Variants in DLD observed in about 807,000 individuals in gnomAD.
The protein encoded by DLD is dihydrolipoyl dehydrogenase, mitochondrial.
Under a neutral mutation model 62.2 loss-of-function variants are expected in DLD, and 36 were observed. That is an observed-to-expected ratio of 0.58 (90% CI 0.44 to 0.76). The LOEUF (loss-of-function observed/expected upper bound fraction) is 0.76, where lower values mean the gene tolerates loss of function less well. Among genes scored for constraint, DLD ranks in the 30% least tolerant of loss-of-function variants. The pLI is 0.00. For synonymous variants in DLD, 204 were observed against 199.6 expected (o/e 1.02, Z -0.19); for missense variants, 541 against 608.6 (o/e 0.89, Z 1.17).
At position 107,910,738 on chromosome 7, in the gene DLD, C is replaced by G. The variant is rs192026139; in HGVS notation, c.684+4370C>G. On this transcript the variant is annotated intron_variant, in intron 8 of 13. Transcript: ENST00000205402. ...GCTGGGATTTAATACATTTAAAACACTTAATGCAGTGCCTGGCATTTAGTA... is the reference window on the plus strand; with the variant it reads ...GCTGGGATTTAATACATTTAAAACAGTTAATGCAGTGCCTGGCATTTAGTA... Among the ~76,000 whole-genome samples the G allele has an allele frequency of 2.0e-5, 3 of 152,282 alleles. No individual in the cohort carries two copies. In the East Asian group the frequency reaches 5.8e-4, roughly 29 times the overall value.
chr7:107,893,766 A>T (rs189875634), intron 2 of DLD, among the ~76,000 whole-genome samples: 1 of 152,178 alleles, frequency 6.6e-6, no homozygotes, highest in African/African-American at 2.4e-5. Context: ...GCAGAAACCC[A>T]TGCAATGTAA....
At chr7:107,916,178 C>T (rs10271385) in intron 9 of DLD, among the ~76,000 whole-genome samples, 30,233 of 151,990 alleles carry the variant, frequency 0.2, 3,321 homozygotes, top group East Asian at 0.51. Context: ...TAATTAATGA[C>T]TAACTTGTCA....
intron 9 of DLD, 38 bp from the exon 10 acceptor site, chr7:107,916,756 G>T: frequency 6.4e-7 from 1 of 1,571,388 alleles, no homozygotes; most frequent in Non-Finnish European, 8.8e-7. Flanking sequence ...AATTTATGTA[G>T]GTGTGTATTT....
upstream of DLD, chr7:107,891,115 G>C (rs1426693653): frequency 9.0e-6 from 10 of 1,110,538 alleles, no homozygotes; most frequent in Non-Finnish European, 1.3e-5. Flanking sequence ...GTAGAACCGC[G>C]CGGGCCAATC....
intron 4 of DLD, 107 bp downstream of exon 4, chr7:107,902,500 A>C (rs1480975800): frequency 1.2e-5 from 12 of 970,078 alleles, no homozygotes; most frequent in Non-Finnish European, 1.8e-5. Flanking sequence ...AAACAATCCA[A>C]GTTGTGGCAC....
At chr7:107,916,464 A>G (rs1584472598) in intron 9 of DLD, among the ~76,000 whole-genome samples, 1 of 152,112 alleles carries the variant, frequency 6.6e-6, no homozygotes, top group South Asian at 2.1e-4. Flanking sequence ...CATGAAGTCA[A>G]GAGATCAAGA....
chr7:107,916,388 G>T (rs2032269024), intron 9 of DLD, among the ~76,000 whole-genome samples: 1 of 152,092 alleles, frequency 6.6e-6, no homozygotes, highest in Non-Finnish European at 1.5e-5. Context: ...AATGTCATCA[G>T]TGCCGGCTGG....
intron 2 of DLD, among the ~76,000 whole-genome samples, chr7:107,899,292 G>A (rs1211163813): frequency 6.7e-6 from 1 of 149,536 alleles, no homozygotes; most frequent in Non-Finnish European, 1.5e-5. Context: ...CACTTTAGTG[G>A]TATTGTAATG....
At chr7:107,897,096 A>G (rs1009121163) in intron 2 of DLD, among the ~76,000 whole-genome samples, 1 of 152,122 alleles carries the variant, frequency 6.6e-6, no homozygotes, top group Admixed American at 6.5e-5. Context: ...CGGCCTCCCA[A>G]AGTGTTGGAA....
In DLD at chr7:107,919,169, T is replaced by C. The variant is rs747366337; in HGVS notation, c.1465-25T>C. The C allele has an allele frequency of 3.5e-5, 57 of 1,612,956 alleles. No homozygotes were observed. In the Admixed American group the frequency reaches 9.5e-4, roughly 27 times the overall value. On this transcript the variant is annotated intron_variant, in intron 13 of 13. Transcript: ENST00000205402. ...TTCTGACCCACAAATATTTGGATTT[T>C]AATTTTAAATTTCTTCCCTTGCAGA...
chr7:107,905,715 A>G, intron 7 of DLD: 2 of 574,154 alleles, frequency 3.5e-6, no homozygotes, highest in South Asian at 2.1e-5. Context: ...TGAATACAGT[A>G]TGAAGTTAAA....
At chr7:107,891,384 G>T in intron 1 of DLD, 95 bp downstream of exon 1, 1 of 1,321,466 alleles carries the variant, frequency 7.6e-7, no homozygotes, top group East Asian at 2.6e-5. Flanking sequence ...TGGGCTGGCG[G>T]AGGCGGGCGC....
At chr7:107,918,094 A>C (rs188225135) in intron 12 of DLD, 33 bp downstream of exon 12, 1 of 1,611,910 alleles carries the variant, frequency 6.2e-7, no homozygotes, top group African/African-American at 1.3e-5. Context: ...AATCCCATTA[A>C]GATTTCTAGA....
chr7:107,901,914 CT>C, intron 3 of DLD, 97 bp downstream of exon 3: 1 of 924,224 alleles, frequency 1.1e-6, no homozygotes, highest in Non-Finnish European at 1.8e-6. Context: ...ATGGTAAATA[CT>C]TCCTTAACTC....
At position 107,920,316 on chromosome 7, in the gene DLD, G is replaced by C. The variant is rs2032379852; in HGVS notation, c.*1057G>C. The C allele has an allele frequency of 6.6e-6, 1 of 152,276 alleles. No individual in the cohort carries two copies. Among genetic ancestry groups the C allele is most frequent in the Non-Finnish European group, 1.5e-5 (1 of 68,028 alleles). 9.4% of individuals were successfully genotyped at this position (152,276 alleles called of 1,614,324 possible). A position where few individuals can be genotyped will look rare whatever the true frequency, so the allele number is the denominator to read the frequency against. On this transcript the variant is annotated 3_prime_UTR_variant, in exon 14 of 14. Coordinates refer to ENST00000205402, the MANE Select transcript of DLD (RefSeq NM_000108.5). ...TAACAAAGTACTAAATGCTAAGTAG[G>C]CTTTTGCATATTGTAACTAAATTTA...
intron 8 of DLD, among the ~76,000 whole-genome samples, chr7:107,909,339 A>G (rs1194792113): frequency 2.0e-5 from 3 of 152,228 alleles, no homozygotes; most frequent in Non-Finnish European, 4.4e-5. Flanking sequence ...TAAGGCATGC[A>G]GTCCCATCAT....
In DLD at chr7:107,915,563, G is replaced by A. The variant is rs199835963; in HGVS notation, c.742G>A (p.Val248Ile). The change falls in exon 9 of 14, where the codon GTA (valine) becomes ATA (isoleucine). Residue 248 changes from valine to isoleucine, a missense_variant. By Grantham distance (29) the Val-to-Ile change is conservative (BLOSUM62 3). Transcript: ENST00000205402. ...GACAGCAGTTGAATTTTTAGGTCATGTAGGTGGAGTTGGAATTGATATGGA... is the reference window on the plus strand; with the variant it reads ...GACAGCAGTTGAATTTTTAGGTCATATAGGTGGAGTTGGAATTGATATGGA... ...DVTAVEFLGHVGGVGIDMEIS... is the reference protein window; with the variant it reads ...DVTAVEFLGHIGGVGIDMEIS... The A allele has an allele frequency of 5.6e-6, 9 of 1,613,890 alleles. No individual in the cohort carries two copies. In the African/African-American group the frequency reaches 6.7e-5, roughly 12 times the overall value.
intron 1 of DLD, among the ~76,000 whole-genome samples, chr7:107,892,662 T>C (rs6466204): frequency 0.66 from 100,301 of 151,940 alleles, 33,924 homozygotes; most frequent in East Asian, 0.85. Flanking sequence ...TCTCCTGCCT[T>C]GGCCTCCCGA....
At position 107,920,976 on chromosome 7, in the gene DLD, T is replaced by C. The variant is rs1184881663; in HGVS notation, c.*1717T>C. ...GTGAACTCTGCATCTTTTTAAAAAT[T>C]TGAAATCCCGGTATCATGTGAAGTG... On this transcript the variant is annotated 3_prime_UTR_variant, in exon 14 of 14. Transcript: ENST00000205402. The C allele has an allele frequency of 6.6e-6, 1 of 152,348 alleles. No homozygotes were observed. Among genetic ancestry groups the C allele is most frequent in the Non-Finnish European group, 1.5e-5 (1 of 68,044 alleles). The allele number at this position is 152,348 out of a possible 1,614,324, so 9.4% of individuals were successfully genotyped here.
Sources: gnomAD v4.1 joint callset for allele counts (sites outside exome capture counted in the v4.1 genomes callset) on GRCh38, gnomAD v4.1.1 for gene constraint, MANE v1.5 for transcripts, NCBI Gene and HGNC (gene_info 2026-07-23, HGNC 2026-07-21) for gene names.